Variants in CMIP observed in about 807,000 individuals in gnomAD.
CMIP encodes the protein C-Maf-inducing protein.
CMIP carries 13 observed loss-of-function variants against 97.3 expected under a neutral mutation model. The observed-to-expected ratio is 0.13, with a 90% CI of 0.09 to 0.21. The LOEUF is 0.21. CMIP is among the 10% of genes least tolerant of loss of function. CMIP has a pLI of 1.00. For missense variants in CMIP, 847 were observed against 1,024.9 expected (o/e 0.83, Z 2.37); for synonymous variants, 538 against 436.3 (o/e 1.23, Z -2.91).
chr16:81,592,549 A>C (rs2091481802), intron 1 of CMIP, among the ~76,000 whole-genome samples: 1 of 151,880 alleles, frequency 6.6e-6, no homozygotes, highest in Admixed American at 6.6e-5. Context: ...TGGTGTTGTT[A>C]CTTTGCACTC....
intron 3 of CMIP, chr16:81,630,110 C>T (rs1023577431): frequency 6.6e-6 from 1 of 152,266 alleles, no homozygotes; most frequent in Non-Finnish European, 1.5e-5. Flanking sequence ...CAGTTGCTTT[C>T]GTCTCTGGGC....
chr16:81,675,345 A>G (rs1398076780), intron 9 of CMIP, among the ~76,000 whole-genome samples: 1 of 150,826 alleles, frequency 6.6e-6, no homozygotes, highest in Non-Finnish European at 1.5e-5. Flanking sequence ...CTGGGATTAC[A>G]GGTGTGCACT....
At chr16:81,609,540 C>T (rs1483863309) in intron 2 of CMIP, among the ~76,000 whole-genome samples, 6 of 152,248 alleles carry the variant, frequency 3.9e-5, no homozygotes, top group Admixed American at 3.9e-4. Context: ...CCCTCAGCCC[C>T]TGGGGAGACA....
chr16:81,457,091 C>A (rs1042913921), intron 1 of CMIP, among the ~76,000 whole-genome samples: 1 of 152,054 alleles, frequency 6.6e-6, no homozygotes, highest in South Asian at 2.1e-4. Context: ...GCGAGCGTCC[C>A]GCCCTGTCTG....
chr16:81,634,225 A>G (rs531573977), intron 3 of CMIP, among the ~76,000 whole-genome samples: 4 of 152,386 alleles, frequency 2.6e-5, no homozygotes, highest in African/African-American at 4.8e-5. Context: ...GGAAAGAACA[A>G]TAAACATCTA....
intron 1 of CMIP, chr16:81,518,698 G>C (rs2089963452): frequency 6.6e-6 from 1 of 152,200 alleles, no homozygotes; most frequent in Non-Finnish European, 1.5e-5. Context: ...TTCTGTGTCT[G>C]TTGGTGTTGA....
At chr16:81,696,710 G>A (rs1327448137) in intron 14 of CMIP, 43 bp downstream of exon 14, 1 of 1,569,538 alleles carries the variant, frequency 6.4e-7, no homozygotes, top group South Asian at 1.1e-5. Context: ...AGGGGTCCCT[G>A]GGCTTGCCAT....
intron 1 of CMIP, among the ~76,000 whole-genome samples, chr16:81,488,084 G>A (rs2089346335): frequency 9.1e-6 from 1 of 110,174 alleles, no homozygotes; most frequent in African/African-American, 3.7e-5. Context: ...GACGCCGTTT[G>A]CATAGTAAAC....
At chr16:81,532,752 G>T (rs1044453596) in intron 1 of CMIP, among the ~76,000 whole-genome samples, 1 of 152,164 alleles carries the variant, frequency 6.6e-6, no homozygotes, top group African/African-American at 2.4e-5. Flanking sequence ...GACTCCCTGG[G>T]ATGCAGCTCT....
Position 81,607,585 on chromosome 16 carries a change from A to T in CMIP, c.319A>T (p.Asn107Tyr), listed in dbSNP as rs1444383237. 2.5e-6 allele frequency: 4 copies of T among 1,613,798 alleles called. No homozygotes were observed. The highest frequency in any genetic ancestry group is 3.4e-6 in the Non-Finnish European group (4 of 1,179,876). The change falls in exon 2 of 21, where the codon AAC becomes TAC. Residue 107 changes from asparagine (N) to tyrosine (Y), a missense_variant. Physicochemically the swap from Asn to Tyr is moderately radical, Grantham distance 143 (BLOSUM62 -2). Around this residue, in one of 4 missense-constraint regions of CMIP, gnomAD observed 285 missense variants for 392.2 expected, o/e 0.73. Transcript: ENST00000537098. ...ASATPTGYMENSVSYSAIEDV... is the reference protein window; with the variant it reads ...ASATPTGYMEYSVSYSAIEDV... ...GCTGCAGCCAACTGGGTACATGGAA[A>T]ACTCAGTCTCCTACAGCGCAATTGA...
intron 1 of CMIP, chr16:81,517,833 G>C: frequency 2.0e-6 from 1 of 510,978 alleles, no homozygotes; most frequent in Non-Finnish European, 2.5e-6. Context: ...GGAGTTCGAC[G>C]TTCTCTGGAG....
intron 10 of CMIP, among the ~76,000 whole-genome samples, chr16:81,686,833 A>G (rs550279141): frequency 5.5e-4 from 84 of 152,292 alleles, no homozygotes; most frequent in Non-Finnish European, 9.8e-4. Context: ...GACACACAGC[A>G]CGCAAACCGA....
chr16:81,639,344 G>A (rs2092275913), intron 3 of CMIP, among the ~76,000 whole-genome samples: 1 of 152,168 alleles, frequency 6.6e-6, no homozygotes, highest in Admixed American at 6.5e-5. Flanking sequence ...ACGTTGCCGT[G>A]CTGCTGTCAC....
At chr16:81,704,744 C>T (rs1289553770) in intron 18 of CMIP, among the ~76,000 whole-genome samples, 1 of 144,234 alleles carries the variant, frequency 6.9e-6, no homozygotes, top group Non-Finnish European at 1.5e-5. Context: ...GCCCCTCACC[C>T]GCTTCCCTGC....
chr16:81,596,672 G>A lies in CMIP; in HGVS notation c.301-10895G>A, dbSNP rs183117836. ...CAGCCCTCCCCAGAAGCTCCTATTT[G>A]CCTTTTTCCAGCGCCATCCCTCCAT... is the stretch of plus-strand genomic sequence containing the variant. On this transcript the variant is annotated intron_variant, in intron 1 of 20. Transcript: ENST00000537098. 6.7e-3 allele frequency among the ~76,000 whole-genome samples: 1,013 copies of A among 152,218 alleles called. 11 individuals carry two copies. Among genetic ancestry groups the A allele is most frequent in the Middle Eastern group, 0.027 (8 of 294 alleles).
rs917869761 is a variant in CMIP, at chr16:81,641,152, C to T, written c.478-11051C>T. ...AGCTGGAATCTGCATGGTAACCAGA[C>T]CCCCAGGCAATTCCTGTGCACACGA... On this transcript the variant is annotated intron_variant, in intron 3 of 20. Transcript: ENST00000537098. 5.9e-5 allele frequency among the ~76,000 whole-genome samples: 9 copies of T among 152,274 alleles called. No individual in the cohort carries two copies. In the East Asian group the frequency reaches 1.7e-3, roughly 29 times the overall value.
Position 81,590,823 on chromosome 16 carries a change from TCATCCATCCATCCATC to T in CMIP, c.301-16711_301-16696del, listed in dbSNP as rs79228744. ...AGAGAAAACATATTCTCACTTTCTC[TCATCCATCCATCCATC>T]CATCCATCCATCCATCCATCCATCC... On this transcript the variant is annotated intron_variant, in intron 1 of 20. Transcript: ENST00000537098. Among the ~76,000 whole-genome samples, 22 of 150,644 alleles carry T rather than the reference TCATCCATCCATCCATC, an allele frequency of 1.5e-4. No homozygotes were observed. In the South Asian group the frequency reaches 1.7e-3, roughly 12 times the overall value.
intron 15 of CMIP, among the ~76,000 whole-genome samples, chr16:81,700,053 G>A (rs143691738): frequency 2.6e-5 from 4 of 152,298 alleles, no homozygotes; most frequent in Non-Finnish European, 2.9e-5. Context: ...ATTTATTGCT[G>A]TGTAACAAAC....
chr16:81,526,642 A>G (rs565288767), intron 1 of CMIP, among the ~76,000 whole-genome samples: 4 of 152,304 alleles, frequency 2.6e-5, no homozygotes, highest in Admixed American at 2.6e-4. Flanking sequence ...TTTATTTTAT[A>G]CTTTTAAGAA....
Sources: allele counts gnomAD v4.1 joint callset (sites outside exome capture counted in the v4.1 genomes callset), GRCh38; gene constraint gnomAD v4.1.1; regional missense constraint gnomAD v4.1.1; transcripts MANE v1.5; gene names NCBI Gene and HGNC (gene_info 2026-07-23, HGNC 2026-07-21).